CTNNA2: variants seen among roughly 807,000 people sequenced by gnomAD.
CTNNA2 encodes the protein catenin alpha 2, also known as catenin alpha-2.
A neutral mutation model predicts 101.0 loss-of-function variants in CTNNA2; 42 were observed. The observed-to-expected ratio is 0.42, with a 90% CI of 0.32 to 0.54. CTNNA2 has a LOEUF of 0.54. Ranked by LOEUF, CTNNA2 falls within the 20% of genes least tolerant of loss-of-function variation. The pLI is 0.14. For missense variants in CTNNA2, 871 were observed against 1,223.1 expected, an observed-to-expected ratio of 0.71 and a Z score of 4.29; for synonymous variants, 450 against 456.4, an observed-to-expected ratio of 0.99 and a Z score of 0.18.
chr2:79,598,332 C>T (rs1383581671), intron 1 of CTNNA2, among the ~76,000 whole-genome samples: 1 of 152,212 alleles, frequency 6.6e-6, no homozygotes, highest in Non-Finnish European at 1.5e-5. Flanking sequence ...CACCACAGAG[C>T]ATGATTGCTG....
chr2:80,016,358 G>A (rs779008047), intron 7 of CTNNA2, among the ~76,000 whole-genome samples: 4 of 152,134 alleles, frequency 2.6e-5, no homozygotes, highest in African/African-American at 9.7e-5. Flanking sequence ...GGAGTGCCAG[G>A]CTGCTCAGAA....
intron 7 of CTNNA2, among the ~76,000 whole-genome samples, chr2:80,107,236 AT>A (rs549838389): frequency 1.1e-3 from 173 of 152,006 alleles, no homozygotes; most frequent in African/African-American, 4.0e-3. Flanking sequence ...TTTTTTACCA[AT>A]TGAATGTTGC....
chr2:79,902,500 G>A (rs1036415130), intron 6 of CTNNA2, among the ~76,000 whole-genome samples: 1 of 152,068 alleles, frequency 6.6e-6, no homozygotes, highest in African/African-American at 2.4e-5. Context: ...ACCACTACCC[G>A]ATGTTCATAT....
chr2:79,300,931 CCT>C (rs1676093843), intron 2 of CTNNA2, among the ~76,000 whole-genome samples: 1 of 152,182 alleles, frequency 6.6e-6, no homozygotes, highest in South Asian at 2.1e-4. Flanking sequence ...ATTTTTGGTT[CCT>C]CTCTGTCTCA....
chr2:79,703,003 G>A (rs915774450), intron 2 of CTNNA2, among the ~76,000 whole-genome samples: 2 of 152,178 alleles, frequency 1.3e-5, no homozygotes, highest in African/African-American at 4.8e-5. Context: ...TACCCTTAGA[G>A]AAAACACTCC....
chr2:80,017,607 C>G (rs1013980761), intron 7 of CTNNA2, among the ~76,000 whole-genome samples: 10 of 151,886 alleles, frequency 6.6e-5, no homozygotes, highest in African/African-American at 2.4e-4. Context: ...TAATTGATCT[C>G]GGATTTGGCC....
At chr2:79,290,226 T>A (rs1435483730) in intron 2 of CTNNA2, among the ~76,000 whole-genome samples, 1 of 152,190 alleles carries the variant, frequency 6.6e-6, no homozygotes, top group East Asian at 1.9e-4. Context: ...ACTAGTACCA[T>A]TTATCACTGT....
chr2:79,807,741 C>A (rs1216300568), intron 3 of CTNNA2, among the ~76,000 whole-genome samples: 1 of 151,888 alleles, frequency 6.6e-6, no homozygotes, highest in African/African-American at 2.4e-5. Flanking sequence ...TACAGCTGTC[C>A]CATTTGGCTT....
intron 13 of CTNNA2, among the ~76,000 whole-genome samples, chr2:80,577,896 T>C (rs1695195511): frequency 6.6e-6 from 1 of 152,284 alleles, no homozygotes; most frequent in East Asian, 1.9e-4. Context: ...TTACATTTTA[T>C]GAAAAATGAG....
At chr2:79,220,718 T>C (rs1424455404) in intron 2 of CTNNA2, among the ~76,000 whole-genome samples, 1 of 152,014 alleles carries the variant, frequency 6.6e-6, no homozygotes, top group Non-Finnish European at 1.5e-5. Context: ...ACTGGGAAAT[T>C]GAAAAAAAGT....
intron 7 of CTNNA2, among the ~76,000 whole-genome samples, chr2:80,374,767 G>T (rs1421390073): frequency 6.0e-5 from 9 of 151,174 alleles, no homozygotes; most frequent in Non-Finnish European, 2.9e-5. Flanking sequence ...GGCTGAGATC[G>T]TTAGGACTAA....
chr2:80,036,583 C>A (rs112131792), intron 7 of CTNNA2, among the ~76,000 whole-genome samples: 39 of 152,026 alleles, frequency 2.6e-4, no homozygotes, highest in African/African-American at 9.2e-4. Context: ...TTAGCCTGGG[C>A]AACAGAGTGA....
At chr2:79,499,576 C>T (rs1209571949) in intron 4 of CTNNA2, among the ~76,000 whole-genome samples, 1 of 152,216 alleles carries the variant, frequency 6.6e-6, no homozygotes, top group Non-Finnish European at 1.5e-5. Context: ...TAGAGCTCCC[C>T]TCTAGATTTC....
At chr2:79,464,369 A>G (rs192418685) in intron 4 of CTNNA2, among the ~76,000 whole-genome samples, 1 of 152,268 alleles carries the variant, frequency 6.6e-6, no homozygotes, top group African/African-American at 2.4e-5. Flanking sequence ...ACATTTTCTT[A>G]ATCCAGTCTA....
chr2:79,460,158 A>G (rs1430326505), intron 4 of CTNNA2, among the ~76,000 whole-genome samples: 4 of 152,048 alleles, frequency 2.6e-5, no homozygotes, highest in African/African-American at 7.2e-5. Context: ...GAATATCTCT[A>G]CCTGGTAACC....
At chr2:79,726,659 C>T (rs1385819613) in intron 2 of CTNNA2, among the ~76,000 whole-genome samples, 4 of 151,986 alleles carry the variant, frequency 2.6e-5, no homozygotes, top group Middle Eastern at 3.2e-3. Context: ...GGTTAGGGAC[C>T]GCTGGTGTAA....
chr2:80,129,788 C>T (rs1038145854), intron 7 of CTNNA2, among the ~76,000 whole-genome samples: 4 of 152,120 alleles, frequency 2.6e-5, no homozygotes, highest in Non-Finnish European at 5.9e-5. Context: ...ATGGAAATTC[C>T]TTTGGAACCT....
intron 7 of CTNNA2, among the ~76,000 whole-genome samples, chr2:80,175,069 C>T (rs1253618667): frequency 1.3e-5 from 2 of 152,198 alleles, no homozygotes; most frequent in African/African-American, 2.4e-5. Flanking sequence ...CTCTTCTCCA[C>T]CTCTCAAGAC....
chr2:79,539,532 T>G (rs1336904454), intron 1 of CTNNA2, among the ~76,000 whole-genome samples: 1 of 152,216 alleles, frequency 6.6e-6, no homozygotes, highest in African/African-American at 2.4e-5. Context: ...TCAGATACAA[T>G]GTTACTTGTA....
Sources: gnomAD v4.1 joint callset for allele counts (sites outside exome capture counted in the v4.1 genomes callset) on GRCh38, gnomAD v4.1.1 for gene constraint, MANE v1.5 for transcripts, NCBI Gene and HGNC (gene_info 2026-07-23, HGNC 2026-07-21) for gene names.